ADCY8: variants seen among roughly 807,000 people sequenced by gnomAD.
The protein encoded by ADCY8 is adenylate cyclase 8.
A neutral mutation model predicts 119.7 loss-of-function variants in ADCY8; 51 were observed. The observed-to-expected ratio is 0.43, with a 90% CI of 0.34 to 0.54. ADCY8 has a LOEUF of 0.54. ADCY8 is among the 20% of genes least tolerant of loss of function. The pLI, the probability that ADCY8 is intolerant of heterozygous loss-of-function variation, is 0.03. For missense variants in ADCY8, 1,383 were observed against 1,598.8 expected, an observed-to-expected ratio of 0.87 and a Z score of 2.30; for synonymous variants, 665 against 651.0, an observed-to-expected ratio of 1.02 and a Z score of -0.33.
At chr8:130,913,123 C>A (rs1217599445) in intron 5 of ADCY8, among the ~76,000 whole-genome samples, 2 of 152,078 alleles carry the variant, frequency 1.3e-5, no homozygotes, top group Non-Finnish European at 2.9e-5. Flanking sequence ...TTGAGGCATG[C>A]AATGTGAAAT....
At chr8:130,793,591 T>TC (rs2130082510) in intron 15 of ADCY8, among the ~76,000 whole-genome samples, 1 of 152,358 alleles carries the variant, frequency 6.6e-6, no homozygotes, top group African/African-American at 2.4e-5. Context: ...GGGCAGGACT[T>TC]CACTAGATAC....
chr8:130,780,720 G>A lies in ADCY8; in HGVS notation c.3426C>T (p.Asp1142=). ...CTCGGTAATCAAAGGCAAAGCCCTG[G>A]TCCTTCAGGATGAGATAGGTCTCCT... ...VPEETYLILK[D]QGFAFDYRGE... is the part of the protein sequence containing the mutation. The change falls in exon 18 of 18, where the codon GAC becomes GAT. Residue 1142 remains aspartate, a synonymous_variant. Transcript: ENST00000286355. 1 of 1,614,180 alleles carries A rather than the reference G, an allele frequency of 6.2e-7. No individual in the cohort carries two copies. The highest frequency in any genetic ancestry group is 8.5e-7 in the Non-Finnish European group (1 of 1,180,024).
At chr8:130,814,909 G>A (rs921421647) in intron 13 of ADCY8, among the ~76,000 whole-genome samples, 18 of 152,124 alleles carry the variant, frequency 1.2e-4, no homozygotes, top group African/African-American at 2.7e-4. Flanking sequence ...CTATCTGTTC[G>A]ACTTTACATC....
At chr8:130,982,442 T>G (rs1822268433) in intron 2 of ADCY8, among the ~76,000 whole-genome samples, 1 of 152,254 alleles carries the variant, frequency 6.6e-6, no homozygotes, top group South Asian at 2.1e-4. Context: ...GAAATAGCCC[T>G]AACATTTGTA....
intron 9 of ADCY8, among the ~76,000 whole-genome samples, chr8:130,850,174 A>G (rs263241): frequency 0.51 from 77,937 of 151,860 alleles, 20,739 homozygotes; most frequent in South Asian, 0.67. Flanking sequence ...GGTGGGTTTT[A>G]TGAAGATTTC....
At chr8:130,960,117 T>C (rs1821554134) in intron 2 of ADCY8, among the ~76,000 whole-genome samples, 1 of 151,888 alleles carries the variant, frequency 6.6e-6, no homozygotes, top group Non-Finnish European at 1.5e-5. Context: ...TTCATGGCAG[T>C]GGAGATGGAG....
intron 9 of ADCY8, among the ~76,000 whole-genome samples, chr8:130,855,083 G>A (rs1342881168): frequency 6.7e-6 from 1 of 148,818 alleles, no homozygotes; most frequent in Non-Finnish European, 1.5e-5. Flanking sequence ...TTAAAGGAAA[G>A]AGCTGGGTAA....
intron 5 of ADCY8, among the ~76,000 whole-genome samples, chr8:130,916,632 T>C (rs534096033): frequency 1.3e-5 from 2 of 152,304 alleles, no homozygotes; most frequent in African/African-American, 4.8e-5. Flanking sequence ...TTTACGGGAA[T>C]GAGGGCAAGG....
chr8:131,026,163 AAG>A (rs1402919285), intron 1 of ADCY8, among the ~76,000 whole-genome samples: 3 of 152,220 alleles, frequency 2.0e-5, no homozygotes, highest in Non-Finnish European at 2.9e-5. Flanking sequence ...TGATGGAATT[AAG>A]AGGTGGGAGG....
chr8:130,828,916 C>T (rs1816745505), intron 12 of ADCY8, among the ~76,000 whole-genome samples: 1 of 152,208 alleles, frequency 6.6e-6, no homozygotes, highest in African/African-American at 2.4e-5. Context: ...AACCAGCACA[C>T]TTCCTTTATA....
intron 2 of ADCY8, among the ~76,000 whole-genome samples, chr8:130,952,789 C>T (rs1170075153): frequency 6.6e-6 from 1 of 152,038 alleles, no homozygotes; most frequent in Non-Finnish European, 1.5e-5. Flanking sequence ...GAACTGGCAA[C>T]CGAGATGGCA....
intron 8 of ADCY8, among the ~76,000 whole-genome samples, chr8:130,869,797 G>T (rs982769724): frequency 6.6e-6 from 1 of 151,748 alleles, no homozygotes; most frequent in Non-Finnish European, 1.5e-5. Flanking sequence ...GATTACAGGC[G>T]TGAGCCACTG....
intron 15 of ADCY8, among the ~76,000 whole-genome samples, chr8:130,795,322 C>T (rs1407151501): frequency 2.0e-5 from 3 of 152,192 alleles, no homozygotes; most frequent in East Asian, 1.9e-4. Context: ...GCATAGTTTG[C>T]AGGGTCCAGT....
intron 1 of ADCY8, among the ~76,000 whole-genome samples, chr8:131,012,540 C>G (rs757116801): frequency 6.6e-6 from 1 of 152,114 alleles, no homozygotes; most frequent in African/African-American, 2.4e-5. Flanking sequence ...AGGGGTGCAC[C>G]GTGGTGGATC....
chr8:130,933,627 G>A (rs1820699937), intron 5 of ADCY8, among the ~76,000 whole-genome samples: 1 of 152,142 alleles, frequency 6.6e-6, no homozygotes, highest in Non-Finnish European at 1.5e-5. Context: ...AACAGATTTT[G>A]ATTCATACAG....
chr8:130,862,914 G>T (rs906242436), intron 9 of ADCY8, among the ~76,000 whole-genome samples: 3 of 152,258 alleles, frequency 2.0e-5, no homozygotes, highest in East Asian at 1.9e-4. Flanking sequence ...CCAGAATGGG[G>T]TCTACCTTGG....
At chr8:130,887,330 A>G (rs565444772) in intron 7 of ADCY8, among the ~76,000 whole-genome samples, 4 of 152,278 alleles carry the variant, frequency 2.6e-5, no homozygotes, top group Non-Finnish European at 4.4e-5. Context: ...GTTGCTTCAA[A>G]TGAGAGAGAA....
chr8:130,880,985 G>C (rs1818750723), intron 8 of ADCY8, among the ~76,000 whole-genome samples: 1 of 152,186 alleles, frequency 6.6e-6, no homozygotes. Flanking sequence ...AGCTACATGA[G>C]TCATGAGCAT....
intron 7 of ADCY8, 30 bp from the exon 8 acceptor site, chr8:130,884,791 A>T: frequency 6.3e-7 from 1 of 1,596,658 alleles, no homozygotes; most frequent in Non-Finnish European, 8.6e-7. Context: ...AAACACAATA[A>T]ACCTGCTAGT....
Sources: allele counts gnomAD v4.1 joint callset (sites outside exome capture counted in the v4.1 genomes callset), GRCh38; gene constraint gnomAD v4.1.1; transcripts MANE v1.5; gene names NCBI Gene and HGNC (gene_info 2026-07-23, HGNC 2026-07-21).